Variants in PLOD1 observed in about 807,000 individuals in gnomAD.
PLOD1 encodes the protein procollagen-lysine,2-oxoglutarate 5-dioxygenase 1.
Under a neutral mutation model 94.7 loss-of-function variants are expected in PLOD1, and 70 were observed. That is an observed-to-expected ratio of 0.74 (90% CI 0.61 to 0.90). The LOEUF (loss-of-function observed/expected upper bound fraction) is 0.90, where lower values mean the gene tolerates loss of function less well. Among genes scored for constraint, PLOD1 ranks in the 40% least tolerant of loss-of-function variants. The pLI, the probability that PLOD1 is intolerant of heterozygous loss-of-function variation, is 0.00. For missense variants in PLOD1, 905 were observed against 972.7 expected, an observed-to-expected ratio of 0.93 and a Z score of 0.93; for synonymous variants, 417 against 400.2, an observed-to-expected ratio of 1.04 and a Z score of -0.50.
Position 11,934,722 on chromosome 1 carries a change from G to A in PLOD1, c.-58G>A, listed in dbSNP as rs552712043. The A allele has an allele frequency of 2.2e-4, 334 of 1,508,574 alleles. 2 individuals are homozygous for A. In the South Asian group the frequency reaches 3.7e-3, roughly 17 times the overall value. 93.4% of individuals were successfully genotyped at this position (1,508,574 alleles called of 1,614,324 possible). ...GCAGCGGGACCTGCGGCCCCGTCGCGAAGTTTCCAGCCCTGCGAGCGCCGC... is the reference window on the plus strand; with the variant it reads ...GCAGCGGGACCTGCGGCCCCGTCGCAAAGTTTCCAGCCCTGCGAGCGCCGC... On this transcript the variant is annotated 5_prime_UTR_variant, in exon 1 of 19. Coordinates refer to ENST00000196061, the MANE Select transcript of PLOD1 (RefSeq NM_000302.4).
At chr1:11,962,274 C>CTTTTTTT (rs780613164) in intron 10 of PLOD1, among the ~76,000 whole-genome samples, 30 of 99,072 alleles carry the variant, frequency 3.0e-4, no homozygotes, top group East Asian at 6.1e-4. Flanking sequence ...TTTTTGTTTT[C>CTTTTTTT]TTTTTTTTTT....
intron 1 of PLOD1, among the ~76,000 whole-genome samples, chr1:11,939,316 C>T (rs1467042981): frequency 6.6e-6 from 1 of 152,066 alleles, no homozygotes; most frequent in African/African-American, 2.4e-5. Context: ...CCTGCCAGAC[C>T]CTGTTCCTGG....
In PLOD1 at chr1:11,964,655, A is replaced by G; in HGVS notation, c.1340A>G (p.Asn447Ser). 6.2e-7 allele frequency: 1 copy of G among 1,613,128 alleles called. No individual in the cohort carries two copies. The highest frequency in any genetic ancestry group is 8.5e-7 in the Non-Finnish European group (1 of 1,179,974). Residue 447 changes from asparagine to serine, a missense_variant, in exon 13 of 19, where the codon AAT becomes AGT. Physicochemically the swap from Asn to Ser is conservative, Grantham distance 46 (BLOSUM62 1). Coordinates refer to ENST00000196061, the MANE Select transcript of PLOD1 (RefSeq NM_000302.4). ...TGTCTCTCCCACAGTGGTGTCTGGA[A>G]TGTGCCCTATATTTCAAACATCTAC... Reference protein sequence around the residue: ...IVQGRRVGVWNVPYISNIYLI... With the variant: ...IVQGRRVGVWSVPYISNIYLI...
Position 11,970,686 on chromosome 1 carries a change from G to C in PLOD1, c.1772G>C (p.Gly591Ala), listed in dbSNP as rs748646169. 6.2e-7 allele frequency: 1 copy of C among 1,613,148 alleles called. No individual in the cohort carries two copies. The highest frequency in any genetic ancestry group is 8.5e-7 in the Non-Finnish European group (1 of 1,179,984). Reference sequence around the variant, plus strand: ...CACCTCCAGGACAACCGCATCCAGGGTGGCTACGAGAACGTGCCGACTATT... The same window carrying C: ...CACCTCCAGGACAACCGCATCCAGGCTGGCTACGAGAACGTGCCGACTATT... ...LGNNKDNRIQ[G>A]GYENVPTIDI... Residue 591 changes from glycine to alanine, a missense_variant, in exon 17 of 19, where the codon GGT becomes GCT. Gly to Ala is a moderately conservative substitution (Grantham distance 60). Transcript: ENST00000196061.
chr1:11,956,638 G>A (rs964480501), intron 6 of PLOD1, among the ~76,000 whole-genome samples: 1 of 152,158 alleles, frequency 6.6e-6, no homozygotes, highest in African/African-American at 2.4e-5. Flanking sequence ...GCTTCTGACT[G>A]TAAGTAACCA....
At chr1:11,964,875 T>G in intron 13 of PLOD1, 90 bp downstream of exon 13, 6 of 1,384,570 alleles carry the variant, frequency 4.3e-6, no homozygotes, top group Non-Finnish European at 6.1e-6. Flanking sequence ...GTGGGCCGCC[T>G]TGTCACCGTA....
chr1:11,964,512 GC>G, intron 12 of PLOD1, 131 bp from the exon 13 acceptor site: 1 of 948,446 alleles, frequency 1.1e-6, no homozygotes, highest in Non-Finnish European at 1.7e-6. Context: ...GCACAATTGT[GC>G]CCCCCTAGCC....
At chr1:11,967,605 A>ATATATAAAGAAATATATATAGATTTTATT (rs1344933547) in intron 16 of PLOD1, among the ~76,000 whole-genome samples, 1 of 123,956 alleles carries the variant, frequency 8.1e-6, no homozygotes, top group Non-Finnish European at 1.7e-5. Flanking sequence ...GTGTATATAT[A>ATATATAAAGAAATATATATAGATTTTATT]TATATATATA....
intron 1 of PLOD1, among the ~76,000 whole-genome samples, chr1:11,935,771 CG>C (rs1645574080): frequency 6.6e-6 from 1 of 152,058 alleles, no homozygotes; most frequent in African/African-American, 2.4e-5. Context: ...ATTACAGGCA[CG>C]TGCCACCATG....
intron 18 of PLOD1, 138 bp from the exon 19 acceptor site, chr1:11,974,515 G>A (rs1400032388): frequency 7.4e-6 from 6 of 813,216 alleles, no homozygotes; most frequent in Non-Finnish European, 1.2e-5. Flanking sequence ...CCTTAGCAGC[G>A]CTTGTGGCTG....
In PLOD1 at chr1:11,974,738, C is replaced by T. The variant is rs377406897; in HGVS notation, c.2114C>T (p.Thr705Met). The T allele has an allele frequency of 6.2e-6, 10 of 1,613,808 alleles. No individual in the cohort carries two copies. Among genetic ancestry groups the T allele is most frequent in the African/African-American group, 4.0e-5 (3 of 74,918 alleles). ...ACCCTCATGCACCCTGGACGACTCA[C>T]GCATTACCATGAGGGGCTCCCCACC... Reference protein sequence around the residue: ...GWTLMHPGRLTHYHEGLPTTR... With the variant: ...GWTLMHPGRLMHYHEGLPTTR... The change falls in exon 19 of 19, where the codon ACG (threonine) becomes ATG (methionine). Residue 705 changes from threonine to methionine, a missense_variant. Physicochemically the swap from Thr to Met is moderately conservative, Grantham distance 81. Transcript: ENST00000196061.
chr1:11,949,643 TTCCTGACC>T, intron 2 of PLOD1, 122 bp from the exon 3 acceptor site: 1 of 870,658 alleles, frequency 1.1e-6, no homozygotes, highest in East Asian at 2.6e-5. Flanking sequence ...TGGTCTTGAA[TTCCTGACC>T]TCAGGTGGTC....
At chr1:11,966,364 G>T in intron 15 of PLOD1, 48 bp downstream of exon 15, 2 of 1,420,128 alleles carry the variant, frequency 1.4e-6, no homozygotes, top group Middle Eastern at 1.7e-4. Context: ...TGCTGCAGGG[G>T]GCAGGGCACA....
In PLOD1 at chr1:11,947,998, G is replaced by T. The variant is rs752778368; in HGVS notation, c.99G>T (p.Val33=). Reference sequence around the variant, plus strand: ...CAGACAACCTTTTAGTCCTCACGGTGGCCACTAAGGAGACCGAGGGATTCC... The same window carrying T: ...CAGACAACCTTTTAGTCCTCACGGTTGCCACTAAGGAGACCGAGGGATTCC... The part of the protein sequence containing the change: ...KPEDNLLVLT[V]ATKETEGFRR... Residue 33 remains valine, a synonymous_variant, in exon 2 of 19, where the codon GTG becomes GTT. Transcript: ENST00000196061. 6.2e-7 allele frequency: 1 copy of T among 1,612,936 alleles called. No homozygotes were observed. The highest frequency in any genetic ancestry group is 1.1e-5 in the South Asian group (1 of 91,070).
At chr1:11,974,083 C>T (rs945079299) in intron 18 of PLOD1, among the ~76,000 whole-genome samples, 1 of 152,134 alleles carries the variant, frequency 6.6e-6, no homozygotes, top group Non-Finnish European at 1.5e-5. Context: ...GTTTAACCCT[C>T]ATTTTACAGA....
In PLOD1 at chr1:11,963,080, A is replaced by G. The variant is rs567270044; in HGVS notation, c.1098-452A>G. The stretch of plus-strand genomic sequence containing the variant: ...AAATAAAAATAAAAAAAAGAAAAAC[A>G]TAAAGCTGTTCTTAGCCCATGAGCT... On this transcript the variant is annotated intron_variant, in intron 10 of 18. Transcript: ENST00000196061. This position sits in a 1 kb window ranked among gnomAD's most constrained non-coding sequence, Gnocchi z 4.3. Among the ~76,000 whole-genome samples, 6 of 152,256 alleles carry G rather than the reference A, an allele frequency of 3.9e-5. No homozygotes were observed. The South Asian group carries it at 8.3e-4, about 21-fold the overall frequency.
intron 1 of PLOD1, among the ~76,000 whole-genome samples, chr1:11,946,684 C>T (rs1461984656): frequency 6.6e-6 from 1 of 152,186 alleles, no homozygotes; most frequent in Non-Finnish European, 1.5e-5. Flanking sequence ...CCTCTAAAGC[C>T]AGAAACTCAG....
At chr1:11,967,616 A>ATATATATATATATATATATATAT (rs35226154) in intron 16 of PLOD1, among the ~76,000 whole-genome samples, 2,370 of 73,376 alleles carry the variant, frequency 0.032, 227 homozygotes, top group South Asian at 0.051. Flanking sequence ...TATATATATA[A>ATATATATATATATATATATATAT]AAAGAAATAT....
intron 6 of PLOD1, among the ~76,000 whole-genome samples, chr1:11,955,967 G>T (rs1387701130): frequency 1.3e-5 from 2 of 152,066 alleles, no homozygotes; most frequent in African/African-American, 4.8e-5. Flanking sequence ...TCACTATGTT[G>T]CGCAGGCTTG....
Sources: allele counts gnomAD v4.1 joint callset (sites outside exome capture counted in the v4.1 genomes callset), GRCh38; gene constraint gnomAD v4.1.1; non-coding constraint Gnocchi (gnomAD v3.1); transcripts MANE v1.5; gene names NCBI Gene and HGNC (gene_info 2026-07-23, HGNC 2026-07-21).